The following WHAMM variants were observed in gnomAD, a reference collection of about 807,000 sequenced individuals.
WHAMM encodes WASP homolog associated with actin, golgi membranes and microtubules.
A neutral mutation model predicts 76.5 loss-of-function variants in WHAMM; 67 were observed. The observed-to-expected ratio is 0.88, with a 90% confidence interval of 0.72 to 1.07. The LOEUF (loss-of-function observed/expected upper bound fraction) is 1.07, where lower values mean the gene tolerates loss of function less well. WHAMM is among the 50% of genes least tolerant of loss of function. The probability of loss-of-function intolerance (pLI) is 0.00; values close to 1 mark genes in which losing one functional copy is unlikely to be tolerated. For missense variants in WHAMM, 1,021 were observed against 1,051.1 expected (o/e 0.97, Z 0.40); for synonymous variants, 419 against 422.1 (o/e 0.99, Z 0.09).
At chr15:82,829,693 A>G (rs1434021834) in intron 8 of WHAMM, among the ~76,000 whole-genome samples, 1 of 150,998 alleles carries the variant, frequency 6.6e-6, no homozygotes, top group African/African-American at 2.4e-5. Flanking sequence ...TTTATCATGG[A>G]TTGCATGGGG....
chr15:82,832,311 G>C (rs573884107), intron 9 of WHAMM, among the ~76,000 whole-genome samples: 116 of 152,242 alleles, frequency 7.6e-4, no homozygotes, highest in Non-Finnish European at 1.3e-3. Context: ...GAAGGTATAA[G>C]TTTAAATCCA....
At chr15:82,811,595 C>T (rs2050629963) in intron 1 of WHAMM, among the ~76,000 whole-genome samples, 1 of 152,040 alleles carries the variant, frequency 6.6e-6, no homozygotes, top group Non-Finnish European at 1.5e-5. Flanking sequence ...TTATCTGGAA[C>T]TTAAAAATGA....
In WHAMM at chr15:82,809,703, C is replaced by G. The variant is rs1377491847; in HGVS notation, c.-24C>G. The G allele has an allele frequency of 7.2e-7, 1 of 1,389,138 alleles. No homozygotes were observed. Among genetic ancestry groups the G allele is most frequent in the Admixed American group, 2.7e-5 (1 of 36,686 alleles). 86.1% of individuals were successfully genotyped at this position (1,389,138 alleles called of 1,614,324 possible). ...AGGCCAGGCCCGCGCCCGCCGAGCC[C>G]TAGGGCCGCTGCTGCCGACAGCCAT... is the stretch of plus-strand genomic sequence containing the variant. On this transcript the variant is annotated 5_prime_UTR_variant, in exon 1 of 10. Coordinates refer to ENST00000286760, the MANE Select transcript of WHAMM (RefSeq NM_001080435.3).
chr15:82,822,038 CA>C (rs1308340248), intron 5 of WHAMM, among the ~76,000 whole-genome samples: 85 of 152,016 alleles, frequency 5.6e-4, no homozygotes, highest in Non-Finnish European at 7.4e-5. Flanking sequence ...GGATGCATGC[CA>C]GATTGTTCAT....
chr15:82,820,912 A>G (rs1002361559), intron 5 of WHAMM, among the ~76,000 whole-genome samples: 19 of 151,400 alleles, frequency 1.3e-4, no homozygotes, highest in Admixed American at 8.5e-4. Context: ...AAAAAAAAAA[A>G]AAAAAAAAGA....
intron 9 of WHAMM, among the ~76,000 whole-genome samples, 181 bp from the exon 10 acceptor site, chr15:82,833,048 T>G (rs796423851): frequency 2.8e-4 from 42 of 152,376 alleles, no homozygotes; most frequent in African/African-American, 9.9e-4. Flanking sequence ...GCTATTCAGC[T>G]GTCCTGGATT....
Position 82,816,972 on chromosome 15 carries a change from AAG to A in WHAMM, c.934+134_934+135del, listed in dbSNP as rs2050737633. 2.9e-5 allele frequency: 27 copies of A among 915,534 alleles called. 1 individual carries two copies. In the South Asian group the frequency reaches 3.8e-4, roughly 13 times the overall value. The allele number at this position is 915,534 out of a possible 1,614,324, so 56.7% of individuals were successfully genotyped here. On this transcript the variant is annotated intron_variant, in intron 3 of 9. Coordinates refer to ENST00000286760, the MANE Select transcript of WHAMM (RefSeq NM_001080435.3). ...TGCTGAGAATTCAGTGTCAAGCGTT[AAG>A]AGACGTTGTACAGTCTGGTGAAGGG...
chr15:82,820,111 A>C (rs1159667094), intron 5 of WHAMM, among the ~76,000 whole-genome samples: 1 of 152,192 alleles, frequency 6.6e-6, no homozygotes, highest in Non-Finnish European at 1.5e-5. Flanking sequence ...TAAAAATATA[A>C]ATTTTTAACC....
At chr15:82,832,627 C>T (rs1337926104) in intron 9 of WHAMM, among the ~76,000 whole-genome samples, 2 of 152,184 alleles carry the variant, frequency 1.3e-5, no homozygotes, top group Non-Finnish European at 2.9e-5. Context: ...ACATTATATA[C>T]AGAAAAATGT....
rs1462822919 is a variant in WHAMM at position 82,819,342 on chromosome 15, A to C, written c.1124A>C (p.Gln375Pro). ...IQGKMEDLPE[Q>P]EKNTNVVDEL... The stretch of plus-strand genomic sequence containing the variant: ...AATAAGATGGAAGATCTTCCAGAAC[A>C]AGAAAAAAATACAAATGTTGTAGAT... Residue 375 changes from glutamine to proline, a missense_variant, in exon 5 of 10, where the codon CAA (glutamine) becomes CCA (proline). Physicochemically the swap from Gln to Pro is moderately conservative, Grantham distance 76. Around this residue, in one of 3 missense-constraint regions of WHAMM, gnomAD observed 501 missense variants for 524.9 expected, o/e 0.95. Transcript: ENST00000286760. 8.9e-7 allele frequency: 1 copy of C among 1,120,652 alleles called. No individual in the cohort carries two copies. Among genetic ancestry groups the C allele is most frequent in the African/African-American group, 1.6e-5 (1 of 60,814 alleles). 69.4% of individuals were successfully genotyped at this position (1,120,652 alleles called of 1,614,324 possible). A position where few individuals can be genotyped will look rare whatever the true frequency, so the allele number is the denominator to read the frequency against.
At chr15:82,817,718 AC>A (rs2151561514) in intron 3 of WHAMM, among the ~76,000 whole-genome samples, 1 of 152,326 alleles carries the variant, frequency 6.6e-6, no homozygotes, top group South Asian at 2.1e-4. Flanking sequence ...ATCATGACTT[AC>A]TGTCTTTTTA....
At chr15:82,832,898 G>A (rs2051054577) in intron 9 of WHAMM, among the ~76,000 whole-genome samples, 1 of 152,140 alleles carries the variant, frequency 6.6e-6, no homozygotes, top group Non-Finnish European at 1.5e-5. Flanking sequence ...CCAGGCCTCC[G>A]TAACACTCTT....
At chr15:82,833,010 G>A (rs983187946) in intron 9 of WHAMM, among the ~76,000 whole-genome samples, 9 of 152,214 alleles carry the variant, frequency 5.9e-5, no homozygotes, top group African/African-American at 1.9e-4. Context: ...GAAGTTAGCA[G>A]AAAGGAAGTG....
Position 82,830,901 on chromosome 15 carries a change from ACCGCCGCCACCG to A in WHAMM, c.1950_1961del (p.Pro655_Pro658del), listed in dbSNP as rs748828936. 5.3e-6 allele frequency: 7 copies of A among 1,323,076 alleles called. No homozygotes were observed. In the East Asian group the frequency reaches 1.4e-4, roughly 27 times the overall value. 82.0% of individuals were successfully genotyped at this position (1,323,076 alleles called of 1,614,324 possible). Reference sequence around the variant, plus strand: ...CACCTCCTCCTCCTCCACCACCACCACCGCCGCCACCGCCGCCCCCACCCCCTCCTCTCCGTG... The same window carrying A: ...CACCTCCTCCTCCTCCACCACCACCACCGCCCCCACCCCCTCCTCTCCGTG... On this transcript the variant is annotated inframe_deletion, in exon 9 of 10. Coordinates refer to ENST00000286760, the MANE Select transcript of WHAMM (RefSeq NM_001080435.3).
At chr15:82,810,623 A>G in intron 1 of WHAMM, 3 of 985,462 alleles carry the variant, frequency 3.0e-6, no homozygotes, top group East Asian at 1.1e-4. Flanking sequence ...CTGGCAGAGC[A>G]GGATGTTGTA....
chr15:82,817,830 G>GAA, intron 3 of WHAMM, 90 bp from the exon 4 acceptor site: 2 of 1,077,188 alleles, frequency 1.9e-6, no homozygotes, highest in South Asian at 5.3e-5. Context: ...TCTGCAGGTA[G>GAA]TATGGAGGCA....
chr15:82,825,478 T>C (rs1250561167), intron 6 of WHAMM, among the ~76,000 whole-genome samples: 1 of 152,202 alleles, frequency 6.6e-6, no homozygotes, highest in Non-Finnish European at 1.5e-5. Context: ...CCACTGATTC[T>C]GGAAATGTTG....
chr15:82,828,199 TCAC>T (rs779561202), intron 8 of WHAMM, among the ~76,000 whole-genome samples: 13 of 152,212 alleles, frequency 8.5e-5, no homozygotes, highest in Non-Finnish European at 1.5e-5. Context: ...GATAGTTTCA[TCAC>T]CACTTTACAA....
intron 6 of WHAMM, among the ~76,000 whole-genome samples, chr15:82,823,740 A>G (rs754049895): frequency 6.6e-5 from 10 of 152,216 alleles, no homozygotes; most frequent in Non-Finnish European, 1.5e-4. Context: ...TAATTTTTGT[A>G]TATTTTGTAG....
Sources: gnomAD v4.1 joint callset for allele counts (sites outside exome capture counted in the v4.1 genomes callset) on GRCh38, gnomAD v4.1.1 for gene constraint, gnomAD v4.1.1 regional missense constraint, MANE v1.5 for transcripts, NCBI Gene and HGNC (gene_info 2026-07-23, HGNC 2026-07-21) for gene names.